RORA: variants seen among roughly 807,000 people sequenced by gnomAD.
RORA encodes the protein nuclear receptor ROR-alpha.
In RORA, 7 loss-of-function variants were observed where a neutral mutation model predicts 69.5. The observed-to-expected ratio is 0.10, with a 90% CI of 0.06 to 0.19. The LOEUF is 0.19. RORA is among the 10% of genes least tolerant of loss of function. The pLI, the probability that RORA is intolerant of heterozygous loss-of-function variation, is 1.00. For synonymous variants in RORA, 261 were observed against 240.8 expected (o/e 1.08, Z -0.78); for missense variants, 457 against 663.0 (o/e 0.69, Z 3.41).
At chr15:60,778,223 T>TTTTGTTTG (rs138545305) in intron 1 of RORA, among the ~76,000 whole-genome samples, 10 of 116,690 alleles carry the variant, frequency 8.6e-5, no homozygotes, top group South Asian at 2.7e-4. Flanking sequence ...AGGTTTTTGT[T>TTTTGTTTG]TTTGTTTGTT....
At chr15:60,518,085 A>T (rs1473874285) in intron 3 of RORA, among the ~76,000 whole-genome samples, 1 of 152,140 alleles carries the variant, frequency 6.6e-6, no homozygotes, top group East Asian at 1.9e-4. Context: ...GCTGGTCTCG[A>T]ACTCCTGGGC....
intron 1 of RORA, among the ~76,000 whole-genome samples, chr15:61,067,999 G>A (rs2078288961): frequency 6.6e-6 from 1 of 152,168 alleles, no homozygotes; most frequent in African/African-American, 2.4e-5. Context: ...TTTGATTCCA[G>A]CATCCTCCAT....
rs1284014666 is a variant in RORA at position 60,905,761 on chromosome 15, G to A, written c.167-227075C>T. Among the ~76,000 whole-genome samples, 1 of 152,186 alleles carries A rather than the reference G, an allele frequency of 6.6e-6. No individual in the cohort carries two copies. Among genetic ancestry groups the A allele is most frequent in the Non-Finnish European group, 1.5e-5 (1 of 68,020 alleles). On this transcript the variant is annotated intron_variant, in intron 1 of 10. Transcript: ENST00000335670. The surrounding 1 kb of genome is among the most constrained non-coding windows in gnomAD (Gnocchi z 4.8). ...AGGGTCACCTGTGCTGAGCAGGTTA[G>A]AGCCGGCCTGGTTCTTGGGGCACCC...
chr15:60,595,979 A>G (rs2068657914), intron 2 of RORA, among the ~76,000 whole-genome samples: 1 of 152,214 alleles, frequency 6.6e-6, no homozygotes, highest in South Asian at 2.1e-4. Flanking sequence ...GTTCCCAAAA[A>G]CACCTAGGGG....
chr15:60,764,322 C>T (rs1198211103), intron 1 of RORA, among the ~76,000 whole-genome samples: 3 of 151,900 alleles, frequency 2.0e-5, no homozygotes, highest in Non-Finnish European at 4.4e-5. Flanking sequence ...CCTGAGTGAC[C>T]TTGGGCGAGT....
chr15:60,716,993 G>A (rs1056803674), intron 1 of RORA, among the ~76,000 whole-genome samples: 1 of 152,202 alleles, frequency 6.6e-6, no homozygotes, highest in South Asian at 2.1e-4. Context: ...CAAAGAGAGG[G>A]TGGTGGGACC....
rs1303643523 is a variant in RORA, at chr15:60,905,108, C to A, written c.167-226422G>T. Among the ~76,000 whole-genome samples the A allele has an allele frequency of 1.3e-5, 2 of 152,304 alleles. No homozygotes were observed. Among genetic ancestry groups the A allele is most frequent in the Admixed American group, 1.3e-4 (2 of 15,296 alleles). ...TAATGAGACTCATTCATACCATGGGCTGGGGAGGCTTGGAAATATTTTAGT... is the reference window on the plus strand; with the variant it reads ...TAATGAGACTCATTCATACCATGGGATGGGGAGGCTTGGAAATATTTTAGT... On this transcript the variant is annotated intron_variant, in intron 1 of 10. Transcript: ENST00000335670. This position sits in a 1 kb window ranked among gnomAD's most constrained non-coding sequence, Gnocchi z 4.8.
At chr15:60,577,611 T>G (rs978535009) in intron 2 of RORA, among the ~76,000 whole-genome samples, 3 of 142,882 alleles carry the variant, frequency 2.1e-5, no homozygotes, top group African/African-American at 8.0e-5. Flanking sequence ...GCCACTGTAC[T>G]CCAGCCTGGG....
chr15:61,216,884 C>T (rs1160318714), intron 1 of RORA, among the ~76,000 whole-genome samples: 1 of 152,190 alleles, frequency 6.6e-6, no homozygotes, highest in Non-Finnish European at 1.5e-5. Context: ...GTCTGTCTCA[C>T]TCCTCCCAGC....
At chr15:60,935,317 A>C (rs969123410) in intron 1 of RORA, among the ~76,000 whole-genome samples, 1 of 152,240 alleles carries the variant, frequency 6.6e-6, no homozygotes, top group African/African-American at 2.4e-5. Context: ...TCCTTCACAA[A>C]GGGTTGTTTA....
chr15:60,908,154 G>A (rs1891599297), intron 1 of RORA, among the ~76,000 whole-genome samples: 1 of 152,182 alleles, frequency 6.6e-6, no homozygotes, highest in Non-Finnish European at 1.5e-5. Flanking sequence ...GTTGATCCAT[G>A]CTGGTGAGGC....
intron 1 of RORA, among the ~76,000 whole-genome samples, chr15:60,925,721 G>A (rs1414037055): frequency 1.3e-5 from 2 of 152,230 alleles, no homozygotes; most frequent in African/African-American, 4.8e-5. Context: ...AAGCATGAGG[G>A]TGTGGAATCC....
chr15:61,136,128 AG>A (rs772474286), intron 1 of RORA, among the ~76,000 whole-genome samples: 10 of 152,166 alleles, frequency 6.6e-5, no homozygotes, highest in Admixed American at 2.6e-4. Context: ...TCTTCTTGAA[AG>A]GGGGTGGAAG....
intron 3 of RORA, among the ~76,000 whole-genome samples, chr15:60,516,154 T>TTATATTAA (rs2065920625): frequency 3.3e-5 from 1 of 29,950 alleles, no homozygotes; most frequent in East Asian, 1.8e-3. Flanking sequence ...TATTTATATA[T>TTATATTAA]ATATATTTAT....
chr15:60,974,628 C>T (rs1893824764), intron 1 of RORA, among the ~76,000 whole-genome samples: 1 of 152,172 alleles, frequency 6.6e-6, no homozygotes. Flanking sequence ...CTCATTCATT[C>T]CACGTGCACT....
chr15:60,643,749 A>G (rs1303810457), intron 2 of RORA, among the ~76,000 whole-genome samples: 1 of 152,216 alleles, frequency 6.6e-6, no homozygotes, highest in Non-Finnish European at 1.5e-5. Context: ...GCTTAGCATG[A>G]AAATGAGCCC....
chr15:60,822,035 A>T (rs191303004), intron 1 of RORA, among the ~76,000 whole-genome samples: 3,392 of 152,326 alleles, frequency 0.022, 42 homozygotes, highest in Non-Finnish European at 0.031. Flanking sequence ...AACTAAAAAA[A>T]ATATATACAC....
chr15:60,584,722 A>AT (rs2068282497), intron 2 of RORA, among the ~76,000 whole-genome samples: 1 of 152,224 alleles, frequency 6.6e-6, no homozygotes, highest in South Asian at 2.1e-4. Context: ...AGATGAACAA[A>AT]TAAAAAGAAG....
Position 61,168,290 on chromosome 15 carries a change from G to A in RORA, c.166+60763C>T, listed in dbSNP as rs190413165. Among the ~76,000 whole-genome samples, 57 of 152,096 alleles carry A rather than the reference G, an allele frequency of 3.7e-4. No homozygotes were observed. The East Asian group carries it at 6.2e-3, about 17-fold the overall frequency. ...GTTGTCCAGGCTGGAGTGCCGTGGC[G>A]TGATCTTGGCTCACTGCAACCTCCA... On this transcript the variant is annotated intron_variant, in intron 1 of 10. Transcript: ENST00000335670.
Sources: allele counts gnomAD v4.1 joint callset (sites outside exome capture counted in the v4.1 genomes callset), GRCh38; gene constraint gnomAD v4.1.1; non-coding constraint Gnocchi (gnomAD v3.1); transcripts MANE v1.5; gene names NCBI Gene and HGNC (gene_info 2026-07-23, HGNC 2026-07-21).